The following ELL3 variants were observed in gnomAD, a reference collection of about 807,000 sequenced individuals.
The protein encoded by ELL3 is RNA polymerase II elongation factor ELL3.
Under a neutral mutation model 58.5 loss-of-function variants are expected in ELL3, and 48 were observed. The ratio of observed to expected loss-of-function variants is 0.82; its 90% CI spans 0.65 to 1.04. ELL3 has a LOEUF of 1.04. ELL3 is among the 50% of genes least tolerant of loss of function. The pLI, the probability that ELL3 is intolerant of heterozygous loss-of-function variation, is 0.00. For missense variants in ELL3, 458 were observed against 478.4 expected (o/e 0.96, Z 0.40); for synonymous variants, 174 against 173.2 (o/e 1.00, Z -0.04).
In ELL3 at chr15:43,775,602, CACTG is replaced by C. The variant is rs1362173341; in HGVS notation, c.488_491del (p.Ser163CysfsTer26). The C allele has an allele frequency of 1.2e-6, 2 of 1,614,212 alleles. No homozygotes were observed. The highest frequency in any genetic ancestry group is 1.7e-6 in the Non-Finnish European group (2 of 1,180,026). On this transcript the variant is annotated frameshift_variant, in exon 5 of 11. Transcript: ENST00000319359. LOFTEE classifies it high-confidence loss of function. ...CTTGGTTGCTTGCCAGTGGATCTGA[CACTG>C]ACACCTGGTGGGGAAAGTGGCAGGA...
rs2086889875 is a variant in ELL3, at chr15:43,772,946, A to C, written c.*170T>G. ...TCTTTGCACAGTGCCCATACCCTAAAAATTAATAATGAAAACCAAACCTCA... is the reference window on the plus strand; with the variant it reads ...TCTTTGCACAGTGCCCATACCCTAACAATTAATAATGAAAACCAAACCTCA... On this transcript the variant is annotated 3_prime_UTR_variant, in exon 11 of 11. Coordinates refer to ENST00000319359, the MANE Select transcript of ELL3 (RefSeq NM_025165.3). The C allele has an allele frequency of 8.0e-6, 5 of 621,224 alleles. No individual in the cohort carries two copies. Among genetic ancestry groups the C allele is most frequent in the Non-Finnish European group, 1.4e-5 (5 of 365,936 alleles). The allele number at this position is 621,224 out of a possible 1,614,324, so 38.5% of individuals were successfully genotyped here. A position where few individuals can be genotyped will look rare whatever the true frequency, so the allele number is the denominator to read the frequency against.
In ELL3 at chr15:43,774,785, A is replaced by G; in HGVS notation, c.646-12T>C. The G allele has an allele frequency of 6.3e-7, 1 of 1,585,798 alleles. No individual in the cohort carries two copies. The highest frequency in any genetic ancestry group is 8.5e-7 in the Non-Finnish European group (1 of 1,170,892). Reference sequence around the variant, plus strand: ...GGCACTGAACGTTTCTGTTGAGGAAAATATCTGTGTGACATAAACAGCCAA... The same window carrying G: ...GGCACTGAACGTTTCTGTTGAGGAAGATATCTGTGTGACATAAACAGCCAA... On this transcript the variant is annotated splice_polypyrimidine_tract_variant and intron_variant, in intron 6 of 10. Coordinates refer to ENST00000319359, the MANE Select transcript of ELL3 (RefSeq NM_025165.3).
rs1567161885 is a variant in ELL3, at chr15:43,775,773, T to G, written c.432A>C (p.Gly144=). 1 of 1,614,198 alleles carries G rather than the reference T, an allele frequency of 6.2e-7. No homozygotes were observed. The highest frequency in any genetic ancestry group is 8.5e-7 in the Non-Finnish European group (1 of 1,180,034). The change falls in exon 4 of 11, where the codon GGA becomes GGC. Residue 144 remains glycine, a synonymous_variant. Transcript: ENST00000319359. ...ARHPESWQNT[G]GYSEGDAVSQ... Reference sequence around the variant, plus strand: ...ATACTGCATCTCCTTCAGAATAGCCTCCTGTGTTCTGCCAACTCTCAGGAT... The same window carrying G: ...ATACTGCATCTCCTTCAGAATAGCCGCCTGTGTTCTGCCAACTCTCAGGAT...
chr15:43,776,103 CTA>C lies in ELL3; in HGVS notation c.215_216del (p.Ile72SerfsTer12), dbSNP rs772490233. 9.3e-6 allele frequency: 15 copies of C among 1,614,156 alleles called. No individual in the cohort carries two copies. The highest frequency in any genetic ancestry group is 1.3e-5 in the Non-Finnish European group (15 of 1,180,032). On this transcript the variant is annotated frameshift_variant, in exon 3 of 11. Transcript: ENST00000319359. LOFTEE classifies it high-confidence loss of function. ...GCGCCCTCCTGACAACACTGGGACACTATGAAGGAGAAGAGGCAGGACCAACC... is the reference window on the plus strand; with the variant it reads ...GCGCCCTCCTGACAACACTGGGACACTGAAGGAGAAGAGGCAGGACCAACC... ...GPGWSCLFSFIVSQCCQEGAG... is the reference protein window; with the variant it reads ...GPGWSCLFSFXVSQCCQEGAG...
intron 9 of ELL3, 123 bp from the exon 10 acceptor site, chr15:43,773,471 C>G: frequency 1.0e-6 from 1 of 997,928 alleles, no homozygotes; most frequent in Non-Finnish European, 1.5e-6. Flanking sequence ...ATAACGAGGT[C>G]AGGAGATCTT....
chr15:43,774,031 T>C (rs900911792), intron 9 of ELL3, 151 bp downstream of exon 9: 14 of 979,016 alleles, frequency 1.4e-5, no homozygotes, highest in Non-Finnish European at 2.1e-5. Context: ...ACTTCCCTTC[T>C]CATTCTACCA....
intron 1 of ELL3, 99 bp from the exon 2 acceptor site, chr15:43,776,643 C>G (rs1425321361): frequency 4.5e-6 from 7 of 1,547,616 alleles, no homozygotes; most frequent in Admixed American, 2.0e-5. Flanking sequence ...GCGGGCTTCA[C>G]TTGGAGAGGT....
In ELL3 at chr15:43,774,252, G is replaced by T; in HGVS notation, c.968C>A (p.Thr323Asn). 1 of 1,614,150 alleles carries T rather than the reference G, an allele frequency of 6.2e-7. No individual in the cohort carries two copies. ...CAGCTCTATGAACCTTTGGCTTGCA[G>T]TCCCAACACGGGCATGCAGGATGCG... is the stretch of plus-strand genomic sequence containing the variant. The part of the protein sequence containing the change: ...EYRILHARVG[T>N]ASQRFIELGA... Residue 323 changes from threonine to asparagine, a missense_variant, in exon 9 of 11, where the codon ACT becomes AAT. By Grantham distance (65) the Thr-to-Asn change is moderately conservative. Coordinates refer to ENST00000319359, the MANE Select transcript of ELL3 (RefSeq NM_025165.3).
At chr15:43,776,341 C>G in intron 2 of ELL3, 168 bp downstream of exon 2, 1 of 1,234,444 alleles carries the variant, frequency 8.1e-7, no homozygotes, top group Non-Finnish European at 1.2e-6. Context: ...ACCACAGCCC[C>G]CTGGGACAAC....
In ELL3 at chr15:43,776,130, C is replaced by A; in HGVS notation, c.190G>T (p.Gly64Cys). 1 of 1,614,148 alleles carries A rather than the reference C, an allele frequency of 6.2e-7. No homozygotes were observed. The highest frequency in any genetic ancestry group is 8.5e-7 in the Non-Finnish European group (1 of 1,180,018). ...HRGYLRLPGP[G>C]WSCLFSFIVS... ...ATGAAGGAGAAGAGGCAGGACCAACCAGGGCCTGGGAGTCTCAGATACTGG... is the reference window on the plus strand; with the variant it reads ...ATGAAGGAGAAGAGGCAGGACCAACAAGGGCCTGGGAGTCTCAGATACTGG... The change falls in exon 3 of 11, where the codon GGT becomes TGT. Residue 64 changes from glycine to cysteine, a missense_variant. Coordinates refer to ENST00000319359, the MANE Select transcript of ELL3 (RefSeq NM_025165.3).
chr15:43,774,698 G>C lies in ELL3; in HGVS notation c.721C>G (p.Leu241Val), dbSNP rs1286539475. 2 of 1,614,020 alleles carry C rather than the reference G, an allele frequency of 1.2e-6. No homozygotes were observed. The highest frequency in any genetic ancestry group is 1.3e-5 in the African/African-American group (1 of 74,914). Reference sequence around the variant, plus strand: ...AAATCCTGATTGGTCAGGCCTTGTAGGGGGCTTGGCACTAAAGGCAGAGTT... The same window carrying C: ...AAATCCTGATTGGTCAGGCCTTGTACGGGGCTTGGCACTAAAGGCAGAGTT... ...FRTLPLVPSPLQGLTNQDLQE... is the reference protein window; with the variant it reads ...FRTLPLVPSPVQGLTNQDLQE... The change falls in exon 7 of 11, where the codon CTA (leucine) becomes GTA (valine). Residue 241 changes from leucine (L) to valine (V), a missense_variant. Leu to Val is a conservative substitution (Grantham distance 32). Coordinates refer to ENST00000319359, the MANE Select transcript of ELL3 (RefSeq NM_025165.3).
At chr15:43,773,629 C>T (rs954114650) in intron 9 of ELL3, among the ~76,000 whole-genome samples, 4 of 151,366 alleles carry the variant, frequency 2.6e-5, no homozygotes, top group South Asian at 2.1e-4. Flanking sequence ...ACCCGGGAGG[C>T]GGAGCTTGCA....
rs2086891445 is a variant in ELL3 at position 43,773,172 on chromosome 15, A to G, written c.1138T>C (p.Leu380=). The change falls in exon 11 of 11, where the codon TTG becomes CTG. Residue 380 remains leucine (L), a synonymous_variant. Transcript: ENST00000319359. The part of the protein sequence containing the change: ...KRRCEYLHQK[L]SHIKGLILEF... ...AGGATGAGACCTTTAATGTGGGACA[A>G]TTTCTGGTGAAGGTACTCACAGCGA... is the stretch of plus-strand genomic sequence containing the variant. The G allele has an allele frequency of 6.2e-7, 1 of 1,613,898 alleles. No individual in the cohort carries two copies. The highest frequency in any genetic ancestry group is 8.5e-7 in the Non-Finnish European group (1 of 1,179,968).
intron 5 of ELL3, 28 bp downstream of exon 5, chr15:43,775,497 C>T: frequency 6.2e-7 from 1 of 1,613,620 alleles, no homozygotes; most frequent in Non-Finnish European, 8.5e-7. Flanking sequence ...CAAAGCTTCC[C>T]ATGTTAGTCC....
intron 4 of ELL3, 52 bp from the exon 5 acceptor site, chr15:43,775,662 T>C: frequency 6.2e-7 from 1 of 1,613,826 alleles, no homozygotes; most frequent in Non-Finnish European, 8.5e-7. Context: ...CTGGGATACC[T>C]TGGACTTCAG....
chr15:43,774,507 G>A lies in ELL3; in HGVS notation c.835C>T (p.Pro279Ser). The change falls in exon 8 of 11, where the codon CCA (proline) becomes TCA (serine). Residue 279 changes from proline (P) to serine (S), a missense_variant. Transcript: ENST00000319359. ...TAGTCTGGTATATCTTCAGGACTTGGGGATTCAGAATCTAGGAAGGAAGCA... is the reference window on the plus strand; with the variant it reads ...TAGTCTGGTATATCTTCAGGACTTGAGGATTCAGAATCTAGGAAGGAAGCA... ...SSSVQEDSES[P>S]SPEDIPDYLL... 2 of 1,614,150 alleles carry A rather than the reference G, an allele frequency of 1.2e-6. No individual in the cohort carries two copies. The highest frequency in any genetic ancestry group is 1.7e-5 in the Admixed American group (1 of 60,022).
Position 43,776,844 on chromosome 15 carries a change from CAGCTTGCGTGA to C in ELL3, c.47_57del (p.Phe16CysfsTer4). The C allele has an allele frequency of 6.2e-7, 1 of 1,612,088 alleles. No homozygotes were observed. The highest frequency in any genetic ancestry group is 1.1e-5 in the South Asian group (1 of 90,676). ...CTGAGCAGTAAGAGGCTAGTCCGGG[CAGCTTGCGTGA>C]AGCAGAGCCGGAGCTGTCCTCTCAG... is the stretch of plus-strand genomic sequence containing the variant. On this transcript the variant is annotated frameshift_variant, in exon 1 of 11. Transcript: ENST00000319359. LOFTEE classifies it high-confidence loss of function.
intron 9 of ELL3, 47 bp downstream of exon 9, chr15:43,774,135 G>GT (rs745827531): frequency 2.5e-6 from 4 of 1,602,070 alleles, no homozygotes; most frequent in Non-Finnish European, 3.4e-6. Context: ...TTAGCAGGGG[G>GT]TTAATGGCCA....
chr15:43,773,062 G>A lies in ELL3; in HGVS notation c.*54C>T. The A allele has an allele frequency of 6.7e-7, 1 of 1,484,948 alleles. No individual in the cohort carries two copies. Among genetic ancestry groups the A allele is most frequent in the Admixed American group, 2.1e-5 (1 of 46,624 alleles). 92.0% of individuals were successfully genotyped at this position (1,484,948 alleles called of 1,614,324 possible). On this transcript the variant is annotated 3_prime_UTR_variant, in exon 11 of 11. Coordinates refer to ENST00000319359, the MANE Select transcript of ELL3 (RefSeq NM_025165.3). ...GTTGCATTCTATTTAGTTTATAGCT[G>A]CTTTGTTCCTTTGTGTTTCACTAAG...
Sources: allele counts gnomAD v4.1 joint callset (sites outside exome capture counted in the v4.1 genomes callset), GRCh38; gene constraint gnomAD v4.1.1; transcripts MANE v1.5; gene names NCBI Gene and HGNC (gene_info 2026-07-23, HGNC 2026-07-21).